VAT1L: variants seen among roughly 807,000 people sequenced by gnomAD.
VAT1L encodes the protein putative NADPH-dependent quinone oxidoreductase VAT1L.
In VAT1L, 34 loss-of-function variants were observed where a neutral mutation model predicts 44.1. That is an observed-to-expected ratio of 0.77 (90% CI 0.59 to 1.03). The LOEUF (loss-of-function observed/expected upper bound fraction) is 1.03. Among genes scored for constraint, VAT1L ranks in the 50% least tolerant of loss-of-function variants. The probability of loss-of-function intolerance (pLI) is 0.00; values close to 1 mark genes in which losing one functional copy is unlikely to be tolerated. For synonymous variants in VAT1L, 253 were observed against 202.2 expected (o/e 1.25, Z -2.13); for missense variants, 615 against 538.8 (o/e 1.14, Z -1.40).
At chr16:77,918,053 C>G (rs1361483458) in intron 7 of VAT1L, among the ~76,000 whole-genome samples, 1 of 152,134 alleles carries the variant, frequency 6.6e-6, no homozygotes, top group Non-Finnish European at 1.5e-5. Flanking sequence ...TCTTTTCTAT[C>G]AAAAAGAAAC....
At chr16:77,806,724 C>T (rs555063914) in intron 1 of VAT1L, among the ~76,000 whole-genome samples, 1 of 152,112 alleles carries the variant, frequency 6.6e-6, no homozygotes, top group Non-Finnish European at 1.5e-5. Context: ...TTTATCATAT[C>T]TTTTATGATA....
intron 3 of VAT1L, among the ~76,000 whole-genome samples, chr16:77,841,739 G>T (rs992601461): frequency 6.6e-6 from 1 of 152,112 alleles, no homozygotes; most frequent in East Asian, 1.9e-4. Context: ...GGAGATGATC[G>T]TCCTGAGCTC....
chr16:77,847,780 T>G (rs2016771820), intron 3 of VAT1L, among the ~76,000 whole-genome samples: 1 of 152,228 alleles, frequency 6.6e-6, no homozygotes, highest in South Asian at 2.1e-4. Context: ...TGTTGTGCTG[T>G]GGTTGTGAAT....
chr16:77,813,447 T>A (rs1446812103), intron 1 of VAT1L, among the ~76,000 whole-genome samples: 1 of 152,168 alleles, frequency 6.6e-6, no homozygotes, highest in East Asian at 1.9e-4. Context: ...ATGTGTGAAG[T>A]AATGAAGGAA....
intron 7 of VAT1L, among the ~76,000 whole-genome samples, chr16:77,935,104 A>G (rs1182263653): frequency 1.3e-5 from 2 of 152,172 alleles, no homozygotes; most frequent in Non-Finnish European, 2.9e-5. Context: ...AATGCACTTT[A>G]TTCCACTTGG....
intron 4 of VAT1L, among the ~76,000 whole-genome samples, chr16:77,876,071 T>C (rs9934203): frequency 0.29 from 44,373 of 152,038 alleles, 6,768 homozygotes; most frequent in East Asian, 0.47. Context: ...AGAATTTGAG[T>C]AAAGGAGCTA....
intron 7 of VAT1L, among the ~76,000 whole-genome samples, chr16:77,903,598 A>G (rs1448953761): frequency 6.6e-6 from 1 of 152,190 alleles, no homozygotes; most frequent in Non-Finnish European, 1.5e-5. Flanking sequence ...ATTGGGTACA[A>G]CCACCCTATC....
intron 7 of VAT1L, among the ~76,000 whole-genome samples, chr16:77,895,020 T>C (rs1418791435): frequency 6.6e-6 from 1 of 152,162 alleles, no homozygotes; most frequent in African/African-American, 2.4e-5. Flanking sequence ...TACACTTCAT[T>C]TTTTCCTTCC....
intron 1 of VAT1L, among the ~76,000 whole-genome samples, chr16:77,795,093 CT>C (rs1281500857): frequency 6.6e-6 from 1 of 152,176 alleles, no homozygotes; most frequent in Non-Finnish European, 1.5e-5. Context: ...ATCTTACCCC[CT>C]GAGAATACTT....
At chr16:77,937,689 A>T (rs1265233219) in intron 7 of VAT1L, among the ~76,000 whole-genome samples, 1 of 152,226 alleles carries the variant, frequency 6.6e-6, no homozygotes, top group African/African-American at 2.4e-5. Context: ...CCCAGTGAAT[A>T]GGCCAGTTGG....
In VAT1L at chr16:77,788,875, G is replaced by A. The variant is rs761792745; in HGVS notation, c.193G>A (p.Glu65Lys). ...GCGGCTCTTCAGGAAGGCCATGCCC[G>A]AGCCTCAGGACGGCGAGCTCAAGAT... ...KLRLFRKAMPEPQDGELKIRV... is the reference protein window; with the variant it reads ...KLRLFRKAMPKPQDGELKIRV... Residue 65 changes from glutamate to lysine, a missense_variant, in exon 1 of 9, where the codon GAG becomes AAG. Transcript: ENST00000302536. 7.0e-6 allele frequency: 11 copies of A among 1,561,170 alleles called. No individual in the cohort carries two copies. Among genetic ancestry groups the A allele is most frequent in the South Asian group, 2.4e-5 (2 of 83,746 alleles).
chr16:77,929,155 A>G (rs567309849), intron 7 of VAT1L, among the ~76,000 whole-genome samples: 2 of 152,206 alleles, frequency 1.3e-5, no homozygotes, highest in South Asian at 2.1e-4. Flanking sequence ...TGTACTTTGA[A>G]TGCTCTCTAT....
chr16:77,973,549 T>C (rs751268639), intron 8 of VAT1L, among the ~76,000 whole-genome samples: 1 of 151,342 alleles, frequency 6.6e-6, no homozygotes, highest in Middle Eastern at 3.5e-3. Flanking sequence ...TCCCAAAGTG[T>C]TGGGATTACA....
At chr16:77,876,334 G>C in intron 4 of VAT1L, 36 bp from the exon 5 acceptor site, 1 of 1,572,652 alleles carries the variant, frequency 6.4e-7, no homozygotes, top group Non-Finnish European at 8.8e-7. Flanking sequence ...GCTCCTGACA[G>C]GTCACAGAAT....
At chr16:77,835,422 A>G (rs2016629026) in intron 3 of VAT1L, among the ~76,000 whole-genome samples, 1 of 152,240 alleles carries the variant, frequency 6.6e-6, no homozygotes, top group South Asian at 2.1e-4. Flanking sequence ...TGGCTGTCCC[A>G]GCATCACTCC....
intron 7 of VAT1L, among the ~76,000 whole-genome samples, chr16:77,933,775 G>T (rs529036053): frequency 5.3e-5 from 8 of 152,178 alleles, no homozygotes; most frequent in African/African-American, 1.9e-4. Context: ...CAACAATAAG[G>T]CAAATACGAC....
chr16:77,831,982 A>ATTTTTT (rs151275500), intron 3 of VAT1L, among the ~76,000 whole-genome samples: 5 of 125,984 alleles, frequency 4.0e-5, no homozygotes, highest in African/African-American at 9.1e-5. Flanking sequence ...TGCCCGGCTA[A>ATTTTTT]TTTTTTTTTT....
intron 7 of VAT1L, among the ~76,000 whole-genome samples, chr16:77,955,541 G>T (rs1273223483): frequency 6.6e-6 from 1 of 152,160 alleles, no homozygotes; most frequent in Non-Finnish European, 1.5e-5. Flanking sequence ...CCTGGCCAAT[G>T]TGATGAAGCC....
At chr16:77,909,869 C>G (rs939559056) in intron 7 of VAT1L, among the ~76,000 whole-genome samples, 1 of 152,142 alleles carries the variant, frequency 6.6e-6, no homozygotes, top group Non-Finnish European at 1.5e-5. Flanking sequence ...TACATTCCTG[C>G]CCTTCAACCC....
Sources: allele counts gnomAD v4.1 joint callset (sites outside exome capture counted in the v4.1 genomes callset), GRCh38; gene constraint gnomAD v4.1.1; transcripts MANE v1.5; gene names NCBI Gene and HGNC (gene_info 2026-07-23, HGNC 2026-07-21).